DENND4C: variants seen among roughly 807,000 people sequenced by gnomAD.
DENND4C encodes the protein DENN domain-containing protein 4C.
Under a neutral mutation model 203.0 loss-of-function variants are expected in DENND4C, and 108 were observed. That is an observed-to-expected ratio of 0.53 (90% CI 0.46 to 0.62). DENND4C has a LOEUF of 0.62. DENND4C is among the 20% of genes least tolerant of loss of function. The probability of loss-of-function intolerance (pLI) is 0.00; values close to 1 mark genes in which losing one functional copy is unlikely to be tolerated. For synonymous variants in DENND4C, 871 were observed against 792.4 expected (o/e 1.10, Z -1.67); for missense variants, 2,481 against 2,301.2 (o/e 1.08, Z -1.60).
chr9:19,259,123 T>G (rs560466090), intron 1 of DENND4C, among the ~76,000 whole-genome samples: 4 of 152,216 alleles, frequency 2.6e-5, no homozygotes, highest in African/African-American at 9.6e-5. Flanking sequence ...CTTTTAGTTA[T>G]TTTAAAATAT....
At chr9:19,368,911 G>A (rs1176809631) in intron 30 of DENND4C, among the ~76,000 whole-genome samples, 2 of 152,066 alleles carry the variant, frequency 1.3e-5, no homozygotes, top group East Asian at 3.9e-4. Context: ...CAGTGATTTG[G>A]GAGGCTGAGG....
rs766927798 is a variant in DENND4C at position 19,332,100 on chromosome 9, T to G, written c.2376T>G (p.Val792=). The change falls in exon 17 of 33, where the codon GTT becomes GTG. Residue 792 remains valine, a synonymous_variant. Coordinates refer to ENST00000434457, the MANE Select transcript of DENND4C (RefSeq NM_001330640.2). The part of the protein sequence containing the change: ...WFICLPAYVR[V]SHPKVRALQQ... Reference sequence around the variant, plus strand: ...TTTGTCTTCCGGCCTATGTTAGAGTTTCTCATCCTAAAGTCAGAGCACTTC... The same window carrying G: ...TTTGTCTTCCGGCCTATGTTAGAGTGTCTCATCCTAAAGTCAGAGCACTTC... 1.2e-6 allele frequency: 2 copies of G among 1,614,112 alleles called. No individual in the cohort carries two copies. The highest frequency in any genetic ancestry group is 2.2e-5 in the South Asian group (2 of 91,088).
chr9:19,251,485 C>T (rs1488585252), intron 1 of DENND4C, among the ~76,000 whole-genome samples: 1 of 152,194 alleles, frequency 6.6e-6, no homozygotes, highest in Non-Finnish European at 1.5e-5. Flanking sequence ...GATTAACATT[C>T]CACTCTTCGT....
intron 16 of DENND4C, among the ~76,000 whole-genome samples, chr9:19,329,823 C>T (rs903902999): frequency 1.3e-5 from 2 of 152,086 alleles, no homozygotes; most frequent in African/African-American, 2.4e-5. Context: ...TATTACAATC[C>T]AAAGGGAGTT....
chr9:19,246,056 TCTC>T (rs958639628), intron 1 of DENND4C, among the ~76,000 whole-genome samples: 2 of 151,870 alleles, frequency 1.3e-5, no homozygotes, highest in African/African-American at 4.9e-5. Flanking sequence ...TGTCCATCAT[TCTC>T]CTCATATATT....
At chr9:19,241,842 A>C (rs1443928173) in intron 1 of DENND4C, among the ~76,000 whole-genome samples, 1 of 150,976 alleles carries the variant, frequency 6.6e-6, no homozygotes, top group East Asian at 1.9e-4. Flanking sequence ...ACACAGTAAG[A>C]CCTCATCTTA....
chr9:19,347,216 T>C, intron 23 of DENND4C, 130 bp downstream of exon 23: 1 of 857,544 alleles, frequency 1.2e-6, no homozygotes, highest in South Asian at 1.8e-5. Flanking sequence ...TTTGGCTGTC[T>C]GCAACCTCTG....
At chr9:19,354,426 G>A (rs900348825) in intron 26 of DENND4C, among the ~76,000 whole-genome samples, 1 of 151,820 alleles carries the variant, frequency 6.6e-6, no homozygotes, top group South Asian at 2.1e-4. Flanking sequence ...TAGTACCCAA[G>A]AATTCTCATT....
chr9:19,300,570 T>A (rs1297873475), intron 9 of DENND4C, among the ~76,000 whole-genome samples: 1 of 152,214 alleles, frequency 6.6e-6, no homozygotes, highest in Non-Finnish European at 1.5e-5. Context: ...TTTTTCATAT[T>A]TTTGAGTTCT....
At chr9:19,297,270 G>A (rs963757973) in intron 6 of DENND4C, among the ~76,000 whole-genome samples, 6 of 152,172 alleles carry the variant, frequency 3.9e-5, no homozygotes, top group African/African-American at 1.4e-4. Flanking sequence ...GGGTAATTAT[G>A]TGAGGGTTTA....
intron 1 of DENND4C, among the ~76,000 whole-genome samples, chr9:19,256,226 C>T (rs542064234): frequency 6.6e-6 from 1 of 151,760 alleles, no homozygotes; most frequent in Non-Finnish European, 1.5e-5. Context: ...TTGGAAAATT[C>T]CCAAGTACTG....
At chr9:19,240,516 AT>A (rs1440562019) in intron 1 of DENND4C, among the ~76,000 whole-genome samples, 1 of 151,958 alleles carries the variant, frequency 6.6e-6, no homozygotes, top group Non-Finnish European at 1.5e-5. Flanking sequence ...AAATACAAAA[AT>A]TAGCCTGGCA....
rs1187968730 is a variant in DENND4C, at chr9:19,350,694, A to G, written c.4318-8A>G. 6.3e-7 allele frequency: 1 copy of G among 1,588,892 alleles called. No homozygotes were observed. ...TATGTATGTGGAATTTTTTTTTTTC[A>G]ATTAAAGGAAGAAACTAATAGAGAC... On this transcript the variant is annotated splice_polypyrimidine_tract_variant and splice_region_variant and intron_variant, in intron 23 of 32. Coordinates refer to ENST00000434457, the MANE Select transcript of DENND4C (RefSeq NM_001330640.2).
chr9:19,334,971 T>TTTTTA lies in DENND4C; in HGVS notation c.2461-6_2461-5insTTTTA. ...ATTACTGACACTGATTTTTTTTTTT[T>TTTTTA]GTTAGGTGTGCTATCGAGTAGTGAT... is the stretch of plus-strand genomic sequence containing the variant. On this transcript the variant is annotated splice_polypyrimidine_tract_variant and splice_region_variant and intron_variant, in intron 17 of 32. Coordinates refer to ENST00000434457, the MANE Select transcript of DENND4C (RefSeq NM_001330640.2). 1 of 1,580,036 alleles carries TTTTTA rather than the reference T, an allele frequency of 6.3e-7. No homozygotes were observed. Among genetic ancestry groups the TTTTTA allele is most frequent in the Admixed American group, 2.0e-5 (1 of 50,522 alleles).
rs772851314 is a variant in DENND4C at position 19,335,040 on chromosome 9, G to C, written c.2524G>C (p.Val842Leu). ...LWGHPVLAVR[V>L]LFEMKTARIK... Reference sequence around the variant, plus strand: ...GGGTCATCCTGTTTTAGCAGTGAGAGTCTTATTTGAAATGAAAACTGCTAG... The same window carrying C: ...GGGTCATCCTGTTTTAGCAGTGAGACTCTTATTTGAAATGAAAACTGCTAG... Residue 842 changes from valine (V) to leucine (L), a missense_variant, in exon 18 of 33, where the codon GTC (valine) becomes CTC (leucine). This residue lies in a region of DENND4C where 2,289 missense variants were observed against 2,113.3 expected (regional missense o/e 1.08). Transcript: ENST00000434457. The C allele has an allele frequency of 2.5e-6, 4 of 1,612,480 alleles. No individual in the cohort carries two copies. The highest frequency in any genetic ancestry group is 1.1e-5 in the South Asian group (1 of 90,934).
At chr9:19,258,244 A>C (rs1828478374) in intron 1 of DENND4C, among the ~76,000 whole-genome samples, 1 of 152,212 alleles carries the variant, frequency 6.6e-6, no homozygotes, top group African/African-American at 2.4e-5. Context: ...ATCCAGACTC[A>C]TGTAATTTCA....
chr9:19,315,261 A>G (rs774208438), intron 10 of DENND4C, among the ~76,000 whole-genome samples: 2 of 151,780 alleles, frequency 1.3e-5, no homozygotes, highest in Admixed American at 6.6e-5. Context: ...GACTGAAACT[A>G]TGTGTCCTGT....
At chr9:19,263,657 A>AT (rs111309104) in intron 1 of DENND4C, among the ~76,000 whole-genome samples, 8,000 of 99,142 alleles carry the variant, frequency 0.081, 219 homozygotes, top group Middle Eastern at 0.13. Context: ...TTTTCTTCCC[A>AT]TTTTTTTTTT....
intron 1 of DENND4C, among the ~76,000 whole-genome samples, chr9:19,242,145 C>G (rs1823910166): frequency 6.6e-6 from 1 of 152,160 alleles, no homozygotes; most frequent in African/African-American, 2.4e-5. Context: ...TTTGCCTTTT[C>G]TGGGATGTCT....
Sources: gnomAD v4.1 joint callset for allele counts (sites outside exome capture counted in the v4.1 genomes callset) on GRCh38, gnomAD v4.1.1 for gene constraint, gnomAD v4.1.1 regional missense constraint, MANE v1.5 for transcripts, NCBI Gene and HGNC (gene_info 2026-07-23, HGNC 2026-07-21) for gene names.